The following WDPCP variants were observed in gnomAD, a reference collection of about 807,000 sequenced individuals.
The protein encoded by WDPCP is WD repeat-containing and planar cell polarity effector protein fritz homolog.
A neutral mutation model predicts 93.1 loss-of-function variants in WDPCP; 71 were observed. That is an observed-to-expected ratio of 0.76 (90% CI 0.63 to 0.93). The LOEUF (loss-of-function observed/expected upper bound fraction) is 0.93. Ranked by LOEUF, WDPCP falls within the 40% of genes least tolerant of loss-of-function variation. The pLI is 0.00. For synonymous variants in WDPCP, 315 were observed against 315.0 expected (o/e 1.00, Z 0.00); for missense variants, 844 against 887.4 (o/e 0.95, Z 0.62).
intron 14 of WDPCP, among the ~76,000 whole-genome samples, chr2:63,243,762 G>A (rs1000699111): frequency 3.3e-5 from 5 of 151,938 alleles, no homozygotes; most frequent in African/African-American, 1.2e-4. Flanking sequence ...TAATAATGGG[G>A]GACTTCGGGG....
intron 2 of WDPCP, among the ~76,000 whole-genome samples, chr2:63,716,837 T>C (rs1266457499): frequency 2.6e-5 from 4 of 152,200 alleles, no homozygotes; most frequent in African/African-American, 9.7e-5. Flanking sequence ...GGCCAAAGGA[T>C]TGAGTGAGGC....
intron 14 of WDPCP, among the ~76,000 whole-genome samples, chr2:63,196,619 A>G (rs1675454384): frequency 1.3e-5 from 2 of 152,214 alleles, no homozygotes; most frequent in Admixed American, 6.5e-5. Context: ...TTTGGCTTTA[A>G]AAATATCAAG....
intron 14 of WDPCP, among the ~76,000 whole-genome samples, chr2:63,188,172 C>T (rs1247904889): frequency 6.6e-6 from 1 of 152,086 alleles, no homozygotes; most frequent in Non-Finnish European, 1.5e-5. Context: ...TGGGTCTCTT[C>T]AGGTTTATCA....
intron 15 of WDPCP, among the ~76,000 whole-genome samples, chr2:63,160,036 C>A (rs1020577673): frequency 6.6e-6 from 1 of 152,170 alleles, no homozygotes; most frequent in Non-Finnish European, 1.5e-5. Context: ...AAGGAAAACA[C>A]ACTAGTAAAC....
intron 12 of WDPCP, chr2:63,368,846 T>C (rs1356388): frequency 0.56 from 85,891 of 152,074 alleles, 24,600 homozygotes; most frequent in Admixed American, 0.64. Flanking sequence ...TTTATTGATG[T>C]TCATATTTTA....
chr2:63,422,611 A>G (rs1326554778), intron 9 of WDPCP, among the ~76,000 whole-genome samples: 3 of 152,180 alleles, frequency 2.0e-5, no homozygotes, highest in Non-Finnish European at 4.4e-5. Context: ...TTATAATATT[A>G]CCATTTTGCA....
chr2:63,393,928 G>A (rs907529678), intron 10 of WDPCP, among the ~76,000 whole-genome samples: 17 of 152,058 alleles, frequency 1.1e-4, no homozygotes, highest in African/African-American at 4.1e-4. Context: ...AATTAAAGAT[G>A]GATTAAAGAC....
intron 13 of WDPCP, among the ~76,000 whole-genome samples, chr2:63,306,928 A>G (rs973989176): frequency 6.6e-6 from 1 of 152,206 alleles, no homozygotes; most frequent in Admixed American, 6.5e-5. Context: ...AGGGCAATCA[A>G]ATAGGAAGAG....
chr2:63,358,783 C>A (rs573963440), intron 12 of WDPCP, among the ~76,000 whole-genome samples: 3 of 152,106 alleles, frequency 2.0e-5, no homozygotes, highest in Non-Finnish European at 4.4e-5. Context: ...CTACCACTAA[C>A]GGTCAGCATA....
At chr2:63,124,322 T>C (rs1301024019) in intron 17 of WDPCP, among the ~76,000 whole-genome samples, 2 of 152,104 alleles carry the variant, frequency 1.3e-5, no homozygotes, top group South Asian at 4.2e-4. Context: ...TGTGTTGAAA[T>C]TGTGCTCAGC....
chr2:63,432,095 T>C (rs1696805296), intron 9 of WDPCP, among the ~76,000 whole-genome samples: 1 of 152,192 alleles, frequency 6.6e-6, no homozygotes, highest in South Asian at 2.1e-4. Context: ...GTAAGTTTTA[T>C]CAAACTTTCA....
chr2:63,309,795 C>CAA (rs1271025497), intron 13 of WDPCP, among the ~76,000 whole-genome samples: 1 of 149,748 alleles, frequency 6.7e-6, no homozygotes, highest in African/African-American at 2.5e-5. Flanking sequence ...AGAATTAAAA[C>CAA]AAAAAAAAAC....
At chr2:63,732,849 A>T (rs2103828514) in intron 2 of WDPCP, among the ~76,000 whole-genome samples, 1 of 152,350 alleles carries the variant, frequency 6.6e-6, no homozygotes, top group African/African-American at 2.4e-5. Context: ...AATGATGAAG[A>T]GTAAATCATT....
chr2:63,478,980 A>G (rs563129138), intron 6 of WDPCP, among the ~76,000 whole-genome samples: 1 of 152,062 alleles, frequency 6.6e-6, no homozygotes, highest in African/African-American at 2.4e-5. Context: ...GATGATCAAA[A>G]TAAGTTCAAA....
chr2:63,276,817 G>A (rs1005297280), intron 13 of WDPCP, among the ~76,000 whole-genome samples: 3 of 152,160 alleles, frequency 2.0e-5, no homozygotes, highest in East Asian at 1.9e-4. Context: ...GGGAATAATC[G>A]AGGAAAACTT....
At chr2:63,803,969 A>C (rs1225871691) in intron 2 of WDPCP, among the ~76,000 whole-genome samples, 6 of 152,152 alleles carry the variant, frequency 3.9e-5, no homozygotes, top group Non-Finnish European at 7.3e-5. Context: ...TTCTTCTATT[A>C]CCAGAAAACT....
Position 63,492,990 on chromosome 2 carries a change from C to T in WDPCP, c.76-50G>A, listed in dbSNP as rs1700990586. 2.8e-6 allele frequency: 4 copies of T among 1,452,302 alleles called. No homozygotes were observed. The East Asian group carries it at 9.1e-5, about 33-fold the overall frequency. 90.0% of individuals were successfully genotyped at this position (1,452,302 alleles called of 1,614,324 possible). On this transcript the variant is annotated intron_variant, in intron 1 of 17. Transcript: ENST00000272321. ...GGTGCCAATTAATTATCTTCTATTG[C>T]CAATAAAACCAAGATACCTTAGAAA...
intron 2 of WDPCP, among the ~76,000 whole-genome samples, chr2:63,701,997 T>A (rs1165438600): frequency 6.6e-6 from 1 of 152,188 alleles, no homozygotes; most frequent in Non-Finnish European, 1.5e-5. Flanking sequence ...TAGACGAGAA[T>A]AATTCAATTG....
At chr2:63,452,963 A>C (rs1393460737) in intron 6 of WDPCP, among the ~76,000 whole-genome samples, 1 of 152,252 alleles carries the variant, frequency 6.6e-6, no homozygotes, top group Non-Finnish European at 1.5e-5. Flanking sequence ...TAAAGACTTA[A>C]ATGTTAGACC....
Sources: allele counts gnomAD v4.1 joint callset (sites outside exome capture counted in the v4.1 genomes callset), GRCh38; gene constraint gnomAD v4.1.1; transcripts MANE v1.5; gene names NCBI Gene and HGNC (gene_info 2026-07-23, HGNC 2026-07-21).